The following SUCO variants were observed in gnomAD, a reference collection of about 807,000 sequenced individuals.
SUCO encodes SUN domain containing ossification factor, also known as SUN domain-containing ossification factor.
Under a neutral mutation model 148.1 loss-of-function variants are expected in SUCO, and 57 were observed. That is an observed-to-expected ratio of 0.38 (90% CI 0.31 to 0.48). The LOEUF is 0.48. Ranked by LOEUF, SUCO falls within the 20% of genes least tolerant of loss-of-function variation. The probability of loss-of-function intolerance (pLI) is 0.96; values close to 1 mark genes in which losing one functional copy is unlikely to be tolerated. For synonymous variants in SUCO, 470 were observed against 502.7 expected (o/e 0.93, Z 0.87); for missense variants, 1,331 against 1,468.2 (o/e 0.91, Z 1.53).
intron 13 of SUCO, 103 bp from the exon 14 acceptor site, chr1:172,578,195 C>A (rs1188515389): frequency 4.8e-6 from 4 of 831,584 alleles, no homozygotes; most frequent in Non-Finnish European, 8.0e-6. Flanking sequence ...AAGCCAGTGG[C>A]CCTCAAAATA....
chr1:172,532,753 A>T, upstream of SUCO: 1 of 1,613,902 alleles, frequency 6.2e-7, no homozygotes, highest in Non-Finnish European at 8.5e-7. Flanking sequence ...GGCAAACTAC[A>T]ACTCCCAAAG....
intron 17 of SUCO, 129 bp from the exon 18 acceptor site, chr1:172,588,631 T>C: frequency 7.9e-7 from 1 of 1,272,580 alleles, no homozygotes; most frequent in Non-Finnish European, 1.0e-6. Flanking sequence ...GAAACATTTA[T>C]CCAAAAACAA....
At chr1:172,536,194 G>A (rs543475305) in intron 1 of SUCO, among the ~76,000 whole-genome samples, 1 of 152,294 alleles carries the variant, frequency 6.6e-6, no homozygotes, top group African/African-American at 2.4e-5. Flanking sequence ...ACTTGGCTAA[G>A]TTTAAGCAGC....
At chr1:172,602,376 G>A (rs574283071) in intron 21 of SUCO, 158 bp downstream of exon 21, 460 of 977,778 alleles carry the variant, frequency 4.7e-4, no homozygotes, top group Non-Finnish European at 5.4e-4. Context: ...TAGTAAGATG[G>A]TCCTATGCCT....
intron 6 of SUCO, among the ~76,000 whole-genome samples, chr1:172,558,073 A>G (rs1299255454): frequency 6.6e-6 from 1 of 152,212 alleles, no homozygotes; most frequent in Non-Finnish European, 1.5e-5. Flanking sequence ...GCAGATACAT[A>G]AAGTCCTTAT....
intron 20 of SUCO, among the ~76,000 whole-genome samples, chr1:172,600,896 T>C (rs1333687994): frequency 6.6e-6 from 1 of 151,950 alleles, no homozygotes; most frequent in African/African-American, 2.4e-5. Flanking sequence ...GACTGGAGAG[T>C]AGAAACAGTG....
intron 20 of SUCO, among the ~76,000 whole-genome samples, chr1:172,601,348 C>T (rs566658339): frequency 3.3e-5 from 5 of 151,908 alleles, no homozygotes; most frequent in South Asian, 4.2e-4. Context: ...GAAAATTAGC[C>T]GGTGTGGTGG....
intron 1 of SUCO, among the ~76,000 whole-genome samples, chr1:172,543,397 C>G (rs748191113): frequency 3.9e-5 from 6 of 152,146 alleles, no homozygotes; most frequent in Non-Finnish European, 8.8e-5. Context: ...GCTAAATACA[C>G]TGTACCCAAT....
chr1:172,552,570 A>C, intron 2 of SUCO: 3 of 910,964 alleles, frequency 3.3e-6, no homozygotes, highest in Non-Finnish European at 3.9e-6. Context: ...GCATATTTAG[A>C]GTGGATTATT....
At position 172,597,210 on chromosome 1, in the gene SUCO, G is replaced by A. The variant is rs181192149; in HGVS notation, c.2914-2854G>A. Among the ~76,000 whole-genome samples, 12 of 152,378 alleles carry A rather than the reference G, an allele frequency of 7.9e-5. 1 individual carries two copies. Among genetic ancestry groups the A allele is most frequent in the Non-Finnish European group, 1.5e-4 (10 of 68,042 alleles). On this transcript the variant is annotated intron_variant, in intron 19 of 23. Transcript: ENST00000263688. The stretch of plus-strand genomic sequence containing the variant: ...TCACAGCTTCCCTTGGCTAGGAAAG[G>A]GAATTCCCTCACCCTTGCACTTCCC...
chr1:172,532,553 G>A (rs1304646612), upstream of SUCO: 1 of 1,613,894 alleles, frequency 6.2e-7, no homozygotes. Flanking sequence ...CACAGGGAAA[G>A]GGCTTGGTGC....
At chr1:172,609,483 T>C in intron 23 of SUCO, 1 of 912,318 alleles carries the variant, frequency 1.1e-6, no homozygotes, top group Non-Finnish European at 1.3e-6. Flanking sequence ...AATACCGACC[T>C]TTCAGGGTTA....
intron 7 of SUCO, among the ~76,000 whole-genome samples, chr1:172,569,678 G>A (rs552591489): frequency 7.2e-5 from 11 of 151,870 alleles, no homozygotes; most frequent in Admixed American, 2.6e-4. Context: ...CACATCTTGC[G>A]TGTGTACCCC....
In SUCO at chr1:172,589,941, G is replaced by T; in HGVS notation, c.2825+15G>T. The T allele has an allele frequency of 6.6e-7, 1 of 1,506,308 alleles. No homozygotes were observed. The highest frequency in any genetic ancestry group is 1.4e-5 in the South Asian group (1 of 73,534). 93.3% of individuals were successfully genotyped at this position (1,506,308 alleles called of 1,614,324 possible). A position where few individuals can be genotyped will look rare whatever the true frequency, so the allele number is the denominator to read the frequency against. ...CTTAGCCAAAGGTAAGCTTTATTAT[G>T]AATTAGCACAGTCAGCTTCACACAG... On this transcript the variant is annotated intron_variant, in intron 18 of 23. Transcript: ENST00000263688.
chr1:172,597,601 C>CT (rs144719765), intron 19 of SUCO, among the ~76,000 whole-genome samples: 6,157 of 151,654 alleles, frequency 0.041, 379 homozygotes, highest in African/African-American at 0.14. Flanking sequence ...ATCGTCATAC[C>CT]TTTTTTTTCC....
chr1:172,532,570 C>G, upstream of SUCO: 4 of 1,613,948 alleles, frequency 2.5e-6, no homozygotes, highest in Non-Finnish European at 3.4e-6. Context: ...GTGCAGCTTC[C>G]CTCACAACAC....
rs944134873 is a variant in SUCO at position 172,533,234 on chromosome 1, G to A, written c.-202G>A. 67 of 1,545,000 alleles carry A rather than the reference G, an allele frequency of 4.3e-5. No individual in the cohort carries two copies. The highest frequency in any genetic ancestry group is 5.6e-5 in the Non-Finnish European group (64 of 1,145,524). On this transcript the variant is annotated 5_prime_UTR_variant, in exon 1 of 24. Transcript: ENST00000263688. The stretch of plus-strand genomic sequence containing the variant: ...GGCGGTCCCCGGAGTCCTGTGAAGC[G>A]CCCCTGTCCGCGCCTCTGTGGGGCC...
At chr1:172,590,266 T>C (rs1656553964) in intron 18 of SUCO, 2 of 900,938 alleles carry the variant, frequency 2.2e-6, no homozygotes, top group African/African-American at 1.8e-5. Flanking sequence ...AAAAAAATGA[T>C]AGTATATAGA....
Position 172,557,027 on chromosome 1 carries a change from G to A in SUCO, c.444-253G>A, listed in dbSNP as rs529311515. On this transcript the variant is annotated intron_variant, in intron 4 of 23. Coordinates refer to ENST00000263688, the MANE Select transcript of SUCO (RefSeq NM_014283.5). ...TAGTAATGATGGAAATTAAACTTTA[G>A]AGAAGATACATTGAGAATAAGTAAT... is the stretch of plus-strand genomic sequence containing the variant. 95 of 973,036 alleles carry A rather than the reference G, an allele frequency of 9.8e-5. 1 individual carries two copies. In the South Asian group the frequency reaches 3.9e-3, roughly 40 times the overall value. The allele number at this position is 973,036 out of a possible 1,614,324, so 60.3% of individuals were successfully genotyped here. A position where few individuals can be genotyped will look rare whatever the true frequency, so the allele number is the denominator to read the frequency against.
Sources: allele counts gnomAD v4.1 joint callset (sites outside exome capture counted in the v4.1 genomes callset), GRCh38; gene constraint gnomAD v4.1.1; transcripts MANE v1.5; gene names NCBI Gene and HGNC (gene_info 2026-07-23, HGNC 2026-07-21).